The following EXOC6 variants were observed in gnomAD, a reference collection of about 807,000 sequenced individuals.
EXOC6 encodes SEC15-like 1.
A neutral mutation model predicts 112.5 loss-of-function variants in EXOC6; 60 were observed. The ratio of observed to expected loss-of-function variants is 0.53; its 90% CI spans 0.43 to 0.66. The LOEUF (loss-of-function observed/expected upper bound fraction) is 0.66, where lower values mean the gene tolerates loss of function less well. Ranked by LOEUF, EXOC6 falls within the 30% of genes least tolerant of loss-of-function variation. EXOC6 has a pLI of 0.00. For synonymous variants in EXOC6, 295 were observed against 308.0 expected (o/e 0.96, Z 0.44); for missense variants, 855 against 957.1 (o/e 0.89, Z 1.41).
intron 20 of EXOC6, among the ~76,000 whole-genome samples, chr10:93,055,919 GT>G (rs912391032): frequency 2.6e-5 from 4 of 152,172 alleles, no homozygotes; most frequent in African/African-American, 9.7e-5. Flanking sequence ...TCACCCCAGA[GT>G]TTTATCCCTC....
At chr10:92,956,019 T>C (rs964718533) in intron 17 of EXOC6, among the ~76,000 whole-genome samples, 4 of 152,154 alleles carry the variant, frequency 2.6e-5, no homozygotes, top group Non-Finnish European at 4.4e-5. Context: ...ATTAATTCTA[T>C]ATGAGTGTTT....
chr10:92,935,006 T>C (rs1852267763), intron 11 of EXOC6, among the ~76,000 whole-genome samples: 1 of 152,046 alleles, frequency 6.6e-6, no homozygotes, highest in Non-Finnish European at 1.5e-5. Context: ...GTAGGCCTTT[T>C]TAAAAGTTGT....
At chr10:92,943,747 C>T (rs1852809510) in intron 13 of EXOC6, among the ~76,000 whole-genome samples, 1 of 150,408 alleles carries the variant, frequency 6.6e-6, no homozygotes, top group African/African-American at 2.5e-5. Context: ...TTAAAATCTA[C>T]TGTTGGCAAT....
chr10:93,007,265 A>G (rs1844032154), intron 19 of EXOC6, among the ~76,000 whole-genome samples: 1 of 144,420 alleles, frequency 6.9e-6, no homozygotes, highest in Non-Finnish European at 1.5e-5. Context: ...CCTGAGGGGA[A>G]GGGCCTGTTT....
chr10:92,992,286 TCAAAAAAAA>T (rs1365919789), intron 18 of EXOC6, among the ~76,000 whole-genome samples: 49 of 24,566 alleles, frequency 2.0e-3, no homozygotes, highest in African/African-American at 5.6e-3. Context: ...AGACTCTGTC[TCAAAAAAAA>T]AAAAAAAAAA....
intron 18 of EXOC6, among the ~76,000 whole-genome samples, chr10:92,974,865 G>A (rs1842447096): frequency 1.3e-5 from 2 of 152,206 alleles, no homozygotes; most frequent in Non-Finnish European, 2.9e-5. Context: ...GGTTCACTCA[G>A]TGCTCAATGG....
At chr10:92,944,625 C>G (rs1358665824) in intron 13 of EXOC6, among the ~76,000 whole-genome samples, 1 of 152,258 alleles carries the variant, frequency 6.6e-6, no homozygotes, top group African/African-American at 2.4e-5. Context: ...TTTGAGGAAC[C>G]TCCATCCTGT....
intron 1 of EXOC6, among the ~76,000 whole-genome samples, chr10:92,875,403 G>A (rs1388558043): frequency 1.3e-5 from 2 of 152,082 alleles, no homozygotes; most frequent in African/African-American, 4.8e-5. Context: ...GATTCTTATA[G>A]CATGGACTTT....
chr10:92,856,248 C>T (rs574438816), intron 1 of EXOC6, among the ~76,000 whole-genome samples: 2 of 151,626 alleles, frequency 1.3e-5, no homozygotes, highest in Non-Finnish European at 2.9e-5. Flanking sequence ...GGGTTGCTCT[C>T]TTTTTTATTA....
At position 92,897,489 on chromosome 10, in the gene EXOC6, A is replaced by G. The variant is rs566425012; in HGVS notation, c.413-2110A>G. On this transcript the variant is annotated intron_variant, in intron 4 of 21. Coordinates refer to ENST00000260762, the MANE Select transcript of EXOC6 (RefSeq NM_019053.6). Reference sequence around the variant, plus strand: ...GGACCCCAAAATCACTAAGCCAAGAAAAAAGTCAAGCTGGGAACTGTGTCA... The same window carrying G: ...GGACCCCAAAATCACTAAGCCAAGAGAAAAGTCAAGCTGGGAACTGTGTCA... Among the ~76,000 whole-genome samples, 63 of 152,320 alleles carry G rather than the reference A, an allele frequency of 4.1e-4. No individual in the cohort carries two copies. In the South Asian group the frequency reaches 5.2e-3, roughly 13 times the overall value.
Position 92,993,213 on chromosome 10 carries a change from G to T in EXOC6, c.1954-4261G>T, listed in dbSNP as rs1589993688. ...AAACAAAACCTTTTATCAATGTAAA[G>T]AATAATATGTTGTACAATATATTTG... is the stretch of plus-strand genomic sequence containing the variant. On this transcript the variant is annotated intron_variant, in intron 18 of 21. Coordinates refer to ENST00000260762, the MANE Select transcript of EXOC6 (RefSeq NM_019053.6). 2.0e-5 allele frequency among the ~76,000 whole-genome samples: 3 copies of T among 152,080 alleles called. No individual in the cohort carries two copies. In the South Asian group the frequency reaches 6.2e-4, roughly 32 times the overall value.
chr10:92,980,904 G>A (rs1842803117), intron 18 of EXOC6, among the ~76,000 whole-genome samples: 1 of 152,124 alleles, frequency 6.6e-6, no homozygotes, highest in African/African-American at 2.4e-5. Context: ...GCGGGCACCT[G>A]TAATTCCAGC....
At chr10:93,010,778 G>A (rs1844202717) in intron 19 of EXOC6, among the ~76,000 whole-genome samples, 1 of 151,794 alleles carries the variant, frequency 6.6e-6, no homozygotes, top group African/African-American at 2.4e-5. Context: ...TTTCAAAGAG[G>A]TTGTCTCTTT....
At chr10:92,914,090 G>A (rs1045210743) in intron 6 of EXOC6, among the ~76,000 whole-genome samples, 2 of 152,198 alleles carry the variant, frequency 1.3e-5, no homozygotes, top group Non-Finnish European at 2.9e-5. Flanking sequence ...TAGGAACCAG[G>A]CCACACAGCA....
intron 5 of EXOC6, chr10:92,900,394 T>C (rs887136100): frequency 1.8e-4 from 28 of 152,142 alleles, no homozygotes; most frequent in African/African-American, 6.5e-4. Context: ...TAGTAACTAC[T>C]TAATTATCAG....
intron 13 of EXOC6, among the ~76,000 whole-genome samples, chr10:92,944,297 C>T (rs189069963): frequency 9.8e-4 from 149 of 151,748 alleles, no homozygotes; most frequent in Middle Eastern, 3.4e-3. Flanking sequence ...AGTGCAGCAG[C>T]GTGATCTTGG....
At chr10:92,915,485 T>C (rs10736072) in intron 6 of EXOC6, among the ~76,000 whole-genome samples, 118,498 of 151,358 alleles carry the variant, frequency 0.78, 47,654 homozygotes, top group East Asian at 1. Flanking sequence ...GGAGGATCAC[T>C]GCAGCCTGGG....
chr10:93,058,532 C>T lies in EXOC6; in HGVS notation c.*177C>T, dbSNP rs913688722. 7 of 446,090 alleles carry T rather than the reference C, an allele frequency of 1.6e-5. No homozygotes were observed. Among genetic ancestry groups the T allele is most frequent in the Middle Eastern group, 3.3e-4 (1 of 3,018 alleles). 27.6% of individuals were successfully genotyped at this position (446,090 alleles called of 1,614,324 possible). A position where few individuals can be genotyped will look rare whatever the true frequency, so the allele number is the denominator to read the frequency against. The stretch of plus-strand genomic sequence containing the variant: ...TCATTTGTATGGATTTTTAAATAAT[C>T]GAATACTATTTTATATATGGAAAAA... On this transcript the variant is annotated 3_prime_UTR_variant, in exon 22 of 22. Transcript: ENST00000260762.
At chr10:92,999,940 G>A (rs891704948) in intron 19 of EXOC6, among the ~76,000 whole-genome samples, 2 of 152,104 alleles carry the variant, frequency 1.3e-5, no homozygotes, top group African/African-American at 2.4e-5. Context: ...CTAACCTCAG[G>A]TGATCCACCT....
Sources: gnomAD v4.1 joint callset for allele counts (sites outside exome capture counted in the v4.1 genomes callset) on GRCh38, gnomAD v4.1.1 for gene constraint, MANE v1.5 for transcripts, NCBI Gene and HGNC (gene_info 2026-07-23, HGNC 2026-07-21) for gene names.